Variants in BPIFA3 observed in about 807,000 individuals in gnomAD.
BPIFA3 encodes BPI fold containing family A member 3.
BPIFA3 carries 32 observed loss-of-function variants against 29.7 expected under a neutral mutation model. That is an observed-to-expected ratio of 1.08 (90% CI 0.81 to 1.45). The LOEUF (loss-of-function observed/expected upper bound fraction) is 1.45. Among genes scored for constraint, BPIFA3 ranks in the 40% most tolerant of loss-of-function variants. The pLI is 0.00. For missense variants in BPIFA3, 323 were observed against 311.3 expected (o/e 1.04, Z -0.28); for synonymous variants, 112 against 113.7 (o/e 0.98, Z 0.10).
At chr20:33,219,722 A>G (rs1443417478) in intron 1 of BPIFA3, among the ~76,000 whole-genome samples, 1 of 152,150 alleles carries the variant, frequency 6.6e-6, no homozygotes, top group East Asian at 1.9e-4. Flanking sequence ...CAATAACATA[A>G]TATTGTAAAT....
At position 33,223,792 on chromosome 20, in the gene BPIFA3, GGTCCTT is replaced by G; in HGVS notation, c.128-16_128-11del. 6.2e-7 allele frequency: 1 copy of G among 1,605,046 alleles called. No homozygotes were observed. Among genetic ancestry groups the G allele is most frequent in the East Asian group, 2.2e-5 (1 of 44,592 alleles). On this transcript the variant is annotated splice_polypyrimidine_tract_variant and intron_variant, in intron 1 of 6. Coordinates refer to ENST00000375454, the MANE Select transcript of BPIFA3 (RefSeq NM_178466.5). ...TTCCGTGACACTGTGCAAAGTCAGT[GGTCCTT>G]GTGCATTTCCAGTTATTGCTCAGGG...
chr20:33,217,369 G>C lies in BPIFA3; in HGVS notation c.-168G>C. On this transcript the variant is annotated 5_prime_UTR_variant, in exon 1 of 7. Coordinates refer to ENST00000375454, the MANE Select transcript of BPIFA3 (RefSeq NM_178466.5). Reference sequence around the variant, plus strand: ...GCTCTCCCAATGTGAGCAAGCCCTGGTGGCAGCGCCAGGGTCCAGTGCAGC... The same window carrying C: ...GCTCTCCCAATGTGAGCAAGCCCTGCTGGCAGCGCCAGGGTCCAGTGCAGC... 1 of 785,802 alleles carries C rather than the reference G, an allele frequency of 1.3e-6. No homozygotes were observed. Among genetic ancestry groups the C allele is most frequent in the Middle Eastern group, 2.4e-4 (1 of 4,132 alleles). The allele number at this position is 785,802 out of a possible 1,614,324, so 48.7% of individuals were successfully genotyped here. A position where few individuals can be genotyped will look rare whatever the true frequency, so the allele number is the denominator to read the frequency against.
At chr20:33,222,732 C>A (rs1985588139) in intron 1 of BPIFA3, among the ~76,000 whole-genome samples, 1 of 152,060 alleles carries the variant, frequency 6.6e-6, no homozygotes, top group African/African-American at 2.4e-5. Context: ...ATTAGACTGG[C>A]AACCACTGGT....
intron 1 of BPIFA3, among the ~76,000 whole-genome samples, chr20:33,222,635 A>AATGGATGG (rs34210730): frequency 1.9e-5 from 2 of 104,316 alleles, no homozygotes; most frequent in African/African-American, 5.4e-5. Context: ...TGAGCGGATG[A>AATGGATGG]ATGGATGGAT....
Position 33,217,589 on chromosome 20 carries a change from C to G in BPIFA3, c.53C>G (p.Pro18Arg). 6.2e-7 allele frequency: 1 copy of G among 1,614,170 alleles called. No individual in the cohort carries two copies. The highest frequency in any genetic ancestry group is 2.2e-5 in the East Asian group (1 of 44,876). Residue 18 changes from proline to arginine, a missense_variant, in exon 1 of 7, where the codon CCC (proline) becomes CGC (arginine). Transcript: ENST00000375454. ...ATCTTCCTCGGGTTGCTGGCCTTGC[C>G]CTTGGCACCACACAAGCAGCCTTGG... The part of the protein sequence containing the change: ...LLIFLGLLAL[P>R]LAPHKQPWPG...
chr20:33,225,439 C>G, intron 4 of BPIFA3, 192 bp downstream of exon 4: 1 of 694,330 alleles, frequency 1.4e-6, no homozygotes, highest in Non-Finnish European at 2.3e-6. Flanking sequence ...CTTCTCCCTC[C>G]TCACTCCTCA....
At position 33,227,696 on chromosome 20, in the gene BPIFA3, CTT is replaced by C; in HGVS notation, c.*81_*82del. The C allele has an allele frequency of 7.9e-7, 1 of 1,261,612 alleles. No homozygotes were observed. Among genetic ancestry groups the C allele is most frequent in the African/African-American group, 1.5e-5 (1 of 67,740 alleles). The allele number at this position is 1,261,612 out of a possible 1,614,324, so 78.2% of individuals were successfully genotyped here. A position where few individuals can be genotyped will look rare whatever the true frequency, so the allele number is the denominator to read the frequency against. Reference sequence around the variant, plus strand: ...AGTGGGGCTTCTGCTACCCTAAAAACTTTACCCCAGGCTCTGTGGACATACCA... The same window carrying C: ...AGTGGGGCTTCTGCTACCCTAAAAACTACCCCAGGCTCTGTGGACATACCA... On this transcript the variant is annotated 3_prime_UTR_variant, in exon 7 of 7. Coordinates refer to ENST00000375454, the MANE Select transcript of BPIFA3 (RefSeq NM_178466.5).
chr20:33,227,581 A>G lies in BPIFA3; in HGVS notation c.729A>G (p.Gln243=). ...AHEPTHHETS[Q]PSACQAGESP... ...AACCAACCCACCATGAAACCAGCCA[A>G]CCCTCTGCATGCCAGGCTGGAGAGT... The change falls in exon 7 of 7, where the codon CAA becomes CAG. Residue 243 remains glutamine (Q), a synonymous_variant. Coordinates refer to ENST00000375454, the MANE Select transcript of BPIFA3 (RefSeq NM_178466.5). 7 of 1,613,964 alleles carry G rather than the reference A, an allele frequency of 4.3e-6. No homozygotes were observed. Among genetic ancestry groups the G allele is most frequent in the Non-Finnish European group, 5.9e-6 (7 of 1,179,970 alleles).
intron 1 of BPIFA3, among the ~76,000 whole-genome samples, chr20:33,222,047 T>C (rs185988965): frequency 6.6e-6 from 1 of 152,280 alleles, no homozygotes; most frequent in Non-Finnish European, 1.5e-5. Flanking sequence ...GCAGTGAAAC[T>C]ATATTATCAG....
chr20:33,226,045 T>A (rs925401500), intron 4 of BPIFA3: 2 of 208,086 alleles, frequency 9.6e-6, no homozygotes, highest in African/African-American at 4.8e-5. Flanking sequence ...GTGCCTGATT[T>A]ATCTCTGTAA....
In BPIFA3 at chr20:33,217,673, G is replaced by A. The variant is rs1382682424; in HGVS notation, c.127+10G>A. On this transcript the variant is annotated intron_variant, in intron 1 of 6. Coordinates refer to ENST00000375454, the MANE Select transcript of BPIFA3 (RefSeq NM_178466.5). ...TCCACCCTGGCAAGAAGTAAGCTAA[G>A]CCCCGGGCTCTGCCTGCTGCCTACG... 6.2e-7 allele frequency: 1 copy of A among 1,611,294 alleles called. No homozygotes were observed. The highest frequency in any genetic ancestry group is 1.7e-5 in the Admixed American group (1 of 59,450).
chr20:33,226,710 A>G (rs1985796034), intron 5 of BPIFA3, among the ~76,000 whole-genome samples: 1 of 152,202 alleles, frequency 6.6e-6, no homozygotes, highest in Non-Finnish European at 1.5e-5. Context: ...CATGGGATCC[A>G]CCATAGTCTC....
At chr20:33,226,159 G>A (rs1028732168) in intron 4 of BPIFA3, 11 of 416,116 alleles carry the variant, frequency 2.6e-5, no homozygotes, top group South Asian at 1.2e-4. Context: ...ATGGGAGGAC[G>A]GTGTAAGGGA....
rs1985675350 is a variant in BPIFA3 at position 33,224,388 on chromosome 20, T to G, written c.312T>G (p.Gly104=). 1 of 1,614,176 alleles carries G rather than the reference T, an allele frequency of 6.2e-7. No homozygotes were observed. Among genetic ancestry groups the G allele is most frequent in the African/African-American group, 1.3e-5 (1 of 75,056 alleles). The change falls in exon 3 of 7, where the codon GGT becomes GGG. Residue 104 remains glycine, a synonymous_variant. Transcript: ENST00000375454. The part of the protein sequence containing the change: ...INITNIQLDC[G]GIQISFHKEW... ...TCACCAACATTCAGCTGGACTGTGG[T>G]GGGATCCAGATATCATTCCATAAGG...
At position 33,225,239 on chromosome 20, in the gene BPIFA3, C is replaced by T. The variant is rs761298488; in HGVS notation, c.528C>T (p.Ile176=). Residue 176 remains isoleucine (I), a synonymous_variant, in exon 4 of 7, where the codon ATC becomes ATT. Transcript: ENST00000375454. Reference sequence around the variant, plus strand: ...AGCCCAGCAGTGTCCATGTGGCCATCCTCACTGAGTAAGACCCCAGCTGCC... The same window carrying T: ...AGCCCAGCAGTGTCCATGTGGCCATTCTCACTGAGTAAGACCCCAGCTGCC... ...DAEPSSVHVA[I]LTEAIPPKMN... 9.9e-6 allele frequency: 16 copies of T among 1,613,682 alleles called. No individual in the cohort carries two copies. The highest frequency in any genetic ancestry group is 1.3e-5 in the Non-Finnish European group (15 of 1,179,998).
Position 33,225,115 on chromosome 20 carries a change from T to A in BPIFA3, c.404T>A (p.Ile135Asn), listed in dbSNP as rs1451460108. The A allele has an allele frequency of 9.3e-6, 15 of 1,614,094 alleles. No homozygotes were observed. Among genetic ancestry groups the A allele is most frequent in the Non-Finnish European group, 1.3e-5 (15 of 1,180,002 alleles). Residue 135 changes from isoleucine to asparagine, a missense_variant, in exon 4 of 7, where the codon ATC (isoleucine) becomes AAC (asparagine). Physicochemically the swap from Ile to Asn is moderately radical, Grantham distance 149. Coordinates refer to ENST00000375454, the MANE Select transcript of BPIFA3 (RefSeq NM_178466.5). ...ATCTGCAGGTCCTTCGATAACAACA[T>A]CGTAAAGATGTGTGCACATATGAGC... ...LELRPSFDNN[I>N]VKMCAHMSIV...
chr20:33,223,722 C>T, intron 1 of BPIFA3, 89 bp from the exon 2 acceptor site: 4 of 1,460,426 alleles, frequency 2.7e-6, no homozygotes, highest in Non-Finnish European at 2.8e-6. Context: ...TCAGATCTTG[C>T]ACCAGCCTGC....
chr20:33,222,350 C>T (rs1347826645), intron 1 of BPIFA3, among the ~76,000 whole-genome samples: 1 of 152,194 alleles, frequency 6.6e-6, no homozygotes, highest in African/African-American at 2.4e-5. Context: ...AAGGAATTTT[C>T]CCCTCTTGTT....
At chr20:33,224,546 C>T in intron 3 of BPIFA3, 84 bp downstream of exon 3, 1 of 1,217,696 alleles carries the variant, frequency 8.2e-7, no homozygotes, top group Non-Finnish European at 1.2e-6. Flanking sequence ...TGATCCCAAC[C>T]TAAATTCAAA....
Sources: allele counts gnomAD v4.1 joint callset (sites outside exome capture counted in the v4.1 genomes callset), GRCh38; gene constraint gnomAD v4.1.1; transcripts MANE v1.5; gene names NCBI Gene and HGNC (gene_info 2026-07-23, HGNC 2026-07-21).